FGF10: variants seen among roughly 807,000 people sequenced by gnomAD.
FGF10 encodes the protein FGF-10.
In FGF10, 2 loss-of-function variants were observed where a neutral mutation model predicts 19.8. The ratio of observed to expected loss-of-function variants is 0.10; its 90% CI spans 0.04 to 0.32. The LOEUF is 0.32. Ranked by LOEUF, FGF10 falls within the 10% of genes least tolerant of loss-of-function variation. The pLI is 1.00. For synonymous variants in FGF10, 112 were observed against 94.0 expected, an observed-to-expected ratio of 1.19 and a Z score of -1.10; for missense variants, 191 against 246.3, an observed-to-expected ratio of 0.78 and a Z score of 1.50.
intron 1 of FGF10, among the ~76,000 whole-genome samples, chr5:44,344,931 C>T (rs1398250732): frequency 1.3e-5 from 2 of 151,846 alleles, no homozygotes; most frequent in East Asian, 3.9e-4. Flanking sequence ...TTGTTAGCTC[C>T]CTTCTTTTCA....
intron 1 of FGF10, among the ~76,000 whole-genome samples, chr5:44,321,502 G>A (rs987854295): frequency 2.0e-5 from 3 of 152,176 alleles, no homozygotes; most frequent in Non-Finnish European, 4.4e-5. Context: ...TGGTCATTTT[G>A]TGTCAGTATA....
At chr5:44,309,124 AC>A (rs1168114716) in intron 2 of FGF10, among the ~76,000 whole-genome samples, 1 of 152,246 alleles carries the variant, frequency 6.6e-6, no homozygotes, top group Non-Finnish European at 1.5e-5. Flanking sequence ...GGATCTGTTT[AC>A]AAAAGTAAAA....
At chr5:44,307,184 T>A (rs755732079) in intron 2 of FGF10, among the ~76,000 whole-genome samples, 19 of 152,202 alleles carry the variant, frequency 1.2e-4, no homozygotes, top group Non-Finnish European at 1.5e-5. Context: ...TGTATCAGCC[T>A]TTTTATTTCA....
At chr5:44,352,299 C>G (rs1160583504) in intron 1 of FGF10, among the ~76,000 whole-genome samples, 2 of 151,608 alleles carry the variant, frequency 1.3e-5, no homozygotes, top group Non-Finnish European at 3.0e-5. Flanking sequence ...GTTGCTTGTA[C>G]ACAATGCAAA....
chr5:44,328,634 T>C (rs1740665541), intron 1 of FGF10, among the ~76,000 whole-genome samples: 1 of 152,074 alleles, frequency 6.6e-6, no homozygotes, highest in Non-Finnish European at 1.5e-5. Flanking sequence ...TGGTGATGCA[T>C]GCCTGTGGTC....
chr5:44,311,199 T>C (rs1027121148), intron 1 of FGF10, among the ~76,000 whole-genome samples: 2 of 150,816 alleles, frequency 1.3e-5, no homozygotes, highest in Admixed American at 6.6e-5. Flanking sequence ...CTAGGAAAAA[T>C]GGAAAATCGA....
intron 1 of FGF10, among the ~76,000 whole-genome samples, chr5:44,378,698 T>C (rs1010722897): frequency 2.0e-5 from 3 of 152,204 alleles, no homozygotes; most frequent in African/African-American, 7.2e-5. Context: ...CCAAAAGTGC[T>C]GGGATTACAG....
Position 44,326,405 on chromosome 5 carries a change from G to A in FGF10, c.326-15875C>T, listed in dbSNP as rs75096389. On this transcript the variant is annotated intron_variant, in intron 1 of 2. Coordinates refer to ENST00000264664, the MANE Select transcript of FGF10 (RefSeq NM_004465.2). The stretch of plus-strand genomic sequence containing the variant: ...ATCCAACTTGCCCTTAGTTTATTAC[G>A]TATTTATTGTTGAGACAGGGTCTCA... 5.3e-5 allele frequency among the ~76,000 whole-genome samples: 8 copies of A among 151,960 alleles called. No individual in the cohort carries two copies. In the East Asian group the frequency reaches 1.4e-3, roughly 26 times the overall value.
intron 1 of FGF10, among the ~76,000 whole-genome samples, chr5:44,356,275 G>A (rs1741344961): frequency 6.6e-6 from 1 of 151,328 alleles, no homozygotes; most frequent in African/African-American, 2.4e-5. Flanking sequence ...GTATGTTTCA[G>A]TTTATCAGAA....
chr5:44,349,768 A>G (rs550062333), intron 1 of FGF10, among the ~76,000 whole-genome samples: 14 of 151,058 alleles, frequency 9.3e-5, no homozygotes, highest in Non-Finnish European at 1.6e-4. Context: ...CTTCTAGACA[A>G]GTATTTGAAA....
chr5:44,363,433 T>C (rs1741536395), intron 1 of FGF10, among the ~76,000 whole-genome samples: 1 of 151,888 alleles, frequency 6.6e-6, no homozygotes, highest in South Asian at 2.1e-4. Context: ...TTAGGCATTC[T>C]TGAACTCAAC....
intron 1 of FGF10, among the ~76,000 whole-genome samples, chr5:44,325,535 C>G (rs1311858967): frequency 6.6e-6 from 1 of 152,120 alleles, no homozygotes; most frequent in Non-Finnish European, 1.5e-5. Context: ...CACATATACA[C>G]CATGGAATAC....
At chr5:44,360,701 A>T (rs1218133580) in intron 1 of FGF10, among the ~76,000 whole-genome samples, 1 of 151,676 alleles carries the variant, frequency 6.6e-6, no homozygotes, top group East Asian at 1.9e-4. Context: ...ACTTTAAAGC[A>T]TGGGAGCTGA....
chr5:44,318,381 C>A (rs1740404360), intron 1 of FGF10, among the ~76,000 whole-genome samples: 1 of 152,090 alleles, frequency 6.6e-6, no homozygotes, highest in African/African-American at 2.4e-5. Context: ...TTTCTTTCCC[C>A]TCATTTCCTT....
rs1739994766 is a variant in FGF10, at chr5:44,302,830, T to C, written c.*2165A>G. ...CTCTTTAGTAATCTAAATGTCTATGTGAAATAAGAATCCAGTTTGTGCCCT... is the reference window on the plus strand; with the variant it reads ...CTCTTTAGTAATCTAAATGTCTATGCGAAATAAGAATCCAGTTTGTGCCCT... On this transcript the variant is annotated 3_prime_UTR_variant, in exon 3 of 3. Coordinates refer to ENST00000264664, the MANE Select transcript of FGF10 (RefSeq NM_004465.2). Among the ~76,000 whole-genome samples the C allele has an allele frequency of 6.6e-6, 1 of 152,188 alleles. No homozygotes were observed. Among genetic ancestry groups the C allele is most frequent in the Non-Finnish European group, 1.5e-5 (1 of 68,036 alleles).
intron 1 of FGF10, among the ~76,000 whole-genome samples, chr5:44,327,991 ATT>A (rs1740650223): frequency 6.6e-6 from 1 of 152,194 alleles, no homozygotes; most frequent in Non-Finnish European, 1.5e-5. Flanking sequence ...CTACAGAGAC[ATT>A]TCCTTAGATG....
intron 1 of FGF10, among the ~76,000 whole-genome samples, chr5:44,318,173 A>C (rs1740399077): frequency 6.6e-6 from 1 of 152,120 alleles, no homozygotes; most frequent in Admixed American, 6.6e-5. Context: ...TTGCAATGGG[A>C]TAAATTGCGG....
rs370472108 is a variant in FGF10, at chr5:44,312,312, C to T, written c.326-1782G>A. On this transcript the variant is annotated intron_variant, in intron 1 of 2. Transcript: ENST00000264664. ...TTAGTCTCGATTACAAATATAAAAA[C>T]GGAAGATACTTAGGTTATTTAACTC... Among the ~76,000 whole-genome samples, 158 of 151,916 alleles carry T rather than the reference C, an allele frequency of 1.0e-3. 3 individuals are homozygous for T. The highest frequency in any genetic ancestry group is 3.5e-3 in the African/African-American group (146 of 41,462).
intron 1 of FGF10, among the ~76,000 whole-genome samples, chr5:44,359,171 G>A (rs1041315043): frequency 6.6e-6 from 1 of 151,466 alleles, no homozygotes; most frequent in Non-Finnish European, 1.5e-5. Flanking sequence ...CACCTTTGGA[G>A]AGTGCTTATA....
Sources: allele counts gnomAD v4.1 joint callset (sites outside exome capture counted in the v4.1 genomes callset), GRCh38; gene constraint gnomAD v4.1.1; transcripts MANE v1.5; gene names NCBI Gene and HGNC (gene_info 2026-07-23, HGNC 2026-07-21).